The following CCDC178 variants were observed in gnomAD, a reference collection of about 807,000 sequenced individuals.
CCDC178 encodes coiled-coil domain-containing protein 178.
Under a neutral mutation model 117.4 loss-of-function variants are expected in CCDC178, and 126 were observed. The observed-to-expected ratio is 1.07, with a 90% CI of 0.93 to 1.24. The LOEUF (loss-of-function observed/expected upper bound fraction) is 1.24. Ranked by LOEUF, CCDC178 falls within the 50% of genes most tolerant of loss-of-function variation. CCDC178 has a pLI of 0.00. For synonymous variants in CCDC178, 283 were observed against 313.4 expected, an observed-to-expected ratio of 0.90 and a Z score of 1.02; for missense variants, 1,030 against 986.9, an observed-to-expected ratio of 1.04 and a Z score of -0.59.
chr18:33,388,555 T>A (rs539340600), intron 5 of CCDC178, among the ~76,000 whole-genome samples: 1 of 49,274 alleles, frequency 2.0e-5, no homozygotes, highest in Non-Finnish European at 4.0e-5. Flanking sequence ...AGTCTCGCTC[T>A]GTCGCCCAGG....
chr18:33,134,460 T>C (rs541061410), intron 20 of CCDC178, among the ~76,000 whole-genome samples: 7 of 152,142 alleles, frequency 4.6e-5, no homozygotes, highest in Admixed American at 3.9e-4. Flanking sequence ...ATAATAATGA[T>C]CAAGAAATTT....
chr18:33,153,125 G>A (rs903735959), intron 20 of CCDC178, among the ~76,000 whole-genome samples: 1 of 147,156 alleles, frequency 6.8e-6, no homozygotes, highest in Non-Finnish European at 1.5e-5. Flanking sequence ...TAAATCAGTT[G>A]TGAGTGACAA....
chr18:33,286,244 G>C (rs1053725725), intron 12 of CCDC178, among the ~76,000 whole-genome samples: 2 of 151,904 alleles, frequency 1.3e-5, no homozygotes, highest in East Asian at 3.9e-4. Context: ...CAAAGTGCTG[G>C]GATTACAGGC....
At chr18:33,016,617 G>A (rs1245213205) in intron 21 of CCDC178, among the ~76,000 whole-genome samples, 1 of 151,948 alleles carries the variant, frequency 6.6e-6, no homozygotes, top group Non-Finnish European at 1.5e-5. Flanking sequence ...GACAGTAACA[G>A]AGAAAAAAGG....
At chr18:33,227,575 T>TAC (rs1568071751) in intron 15 of CCDC178, among the ~76,000 whole-genome samples, 2 of 144,196 alleles carry the variant, frequency 1.4e-5, no homozygotes, top group African/African-American at 5.1e-5. Context: ...TATATATATA[T>TAC]ATATACACAC....
intron 21 of CCDC178, among the ~76,000 whole-genome samples, chr18:32,980,558 G>T (rs1446514240): frequency 6.2e-5 from 6 of 96,002 alleles, no homozygotes; most frequent in Admixed American, 3.7e-4. Flanking sequence ...GCGACAGAAC[G>T]AGACTCCGTC....
chr18:33,354,321 A>C (rs1194504093), intron 7 of CCDC178, among the ~76,000 whole-genome samples: 1 of 152,150 alleles, frequency 6.6e-6, no homozygotes, highest in Non-Finnish European at 1.5e-5. Context: ...CATAGATTTA[A>C]GTCTTTCATC....
intron 20 of CCDC178, among the ~76,000 whole-genome samples, chr18:33,166,501 C>T (rs979621886): frequency 6.6e-6 from 1 of 151,880 alleles, no homozygotes; most frequent in African/African-American, 2.4e-5. Context: ...AGCCCTTAAA[C>T]TCGTTTTTCA....
intron 10 of CCDC178, among the ~76,000 whole-genome samples, chr18:33,325,238 C>T (rs899624702): frequency 1.3e-4 from 20 of 151,676 alleles, no homozygotes; most frequent in Non-Finnish European, 2.7e-4. Flanking sequence ...ATTATAATTG[C>T]CAGTTTTTGA....
At chr18:33,018,276 C>T (rs1340192669) in intron 21 of CCDC178, among the ~76,000 whole-genome samples, 1 of 151,936 alleles carries the variant, frequency 6.6e-6, no homozygotes, top group East Asian at 1.9e-4. Flanking sequence ...AACCAAACAA[C>T]AAAAAAGCAG....
intron 20 of CCDC178, among the ~76,000 whole-genome samples, chr18:33,187,727 T>C (rs1478098871): frequency 6.6e-6 from 1 of 152,182 alleles, no homozygotes; most frequent in Non-Finnish European, 1.5e-5. Context: ...TGAGAGGTTC[T>C]GCATTCAAAG....
At chr18:32,940,054 G>T (rs2054202570) in intron 22 of CCDC178, among the ~76,000 whole-genome samples, 1 of 152,030 alleles carries the variant, frequency 6.6e-6, no homozygotes, top group Non-Finnish European at 1.5e-5. Context: ...ATATTTAAGA[G>T]TGTTTCTAAA....
chr18:33,256,211 A>G (rs2059677984), intron 14 of CCDC178, among the ~76,000 whole-genome samples: 1 of 152,074 alleles, frequency 6.6e-6, no homozygotes, highest in South Asian at 2.1e-4. Flanking sequence ...GATTTGCTAA[A>G]AGTACAAATA....
At chr18:33,001,781 C>T (rs934222493) in intron 21 of CCDC178, among the ~76,000 whole-genome samples, 7 of 151,958 alleles carry the variant, frequency 4.6e-5, no homozygotes, top group Non-Finnish European at 8.8e-5. Flanking sequence ...GTGTCTGTTG[C>T]CTACAAGAAA....
At chr18:33,071,962 A>T (rs989981019) in intron 21 of CCDC178, among the ~76,000 whole-genome samples, 2 of 151,998 alleles carry the variant, frequency 1.3e-5, no homozygotes, top group African/African-American at 2.4e-5. Flanking sequence ...CCTGGAAGAA[A>T]TTTTTCTTAT....
intron 3 of CCDC178, among the ~76,000 whole-genome samples, chr18:33,407,955 G>C (rs2063803619): frequency 6.6e-6 from 1 of 151,728 alleles, no homozygotes; most frequent in African/African-American, 2.4e-5. Context: ...GAAATGTTCA[G>C]AAAACCTAGG....
chr18:33,366,692 A>G (rs1599227806), intron 6 of CCDC178, among the ~76,000 whole-genome samples: 1 of 152,024 alleles, frequency 6.6e-6, no homozygotes, highest in Non-Finnish European at 1.5e-5. Flanking sequence ...ATGACTACAT[A>G]TTATATGTAA....
intron 3 of CCDC178, among the ~76,000 whole-genome samples, chr18:33,399,361 G>T (rs1171039179): frequency 3.3e-5 from 5 of 152,150 alleles, no homozygotes; most frequent in Non-Finnish European, 5.9e-5. Context: ...GGACAATGAA[G>T]TTTTCCTCAT....
chr18:33,100,322 C>G (rs1422879701), intron 20 of CCDC178, among the ~76,000 whole-genome samples: 1 of 151,898 alleles, frequency 6.6e-6, no homozygotes, highest in Non-Finnish European at 1.5e-5. Flanking sequence ...TTTTGAACAT[C>G]TTTTGTTAAC....
Sources: allele counts gnomAD v4.1 joint callset (sites outside exome capture counted in the v4.1 genomes callset), GRCh38; gene constraint gnomAD v4.1.1; transcripts MANE v1.5; gene names NCBI Gene and HGNC (gene_info 2026-07-23, HGNC 2026-07-21).